Variants in PARP1 observed in about 807,000 individuals in gnomAD.
PARP1 encodes poly(ADP-ribose) polymerase 1.
A neutral mutation model predicts 118.7 loss-of-function variants in PARP1; 44 were observed. The observed-to-expected ratio is 0.37, with a 90% CI of 0.29 to 0.48. PARP1 has a LOEUF of 0.48. Ranked by LOEUF, PARP1 falls within the 20% of genes least tolerant of loss-of-function variation. The pLI, the probability that PARP1 is intolerant of heterozygous loss-of-function variation, is 0.99. For missense variants in PARP1, 1,100 were observed against 1,272.4 expected, an observed-to-expected ratio of 0.86 and a Z score of 2.06; for synonymous variants, 492 against 483.2, an observed-to-expected ratio of 1.02 and a Z score of -0.24.
chr1:226,371,984 A>C (rs568737941), intron 14 of PARP1, among the ~76,000 whole-genome samples: 63 of 152,306 alleles, frequency 4.1e-4, no homozygotes, highest in Non-Finnish European at 6.9e-4. Context: ...TGCCCAGTTG[A>C]GAGAGAAACA....
chr1:226,364,394 G>A (rs192374546), intron 19 of PARP1: 13 of 360,048 alleles, frequency 3.6e-5, no homozygotes, highest in East Asian at 2.0e-4. Context: ...TTAAACTAGC[G>A]CCTGTCAACA....
At chr1:226,394,426 G>T (rs1410417954) in intron 2 of PARP1, among the ~76,000 whole-genome samples, 3 of 152,226 alleles carry the variant, frequency 2.0e-5, no homozygotes, top group African/African-American at 7.2e-5. Flanking sequence ...TGCTGGTATA[G>T]TATGTGCAAT....
intron 14 of PARP1, 43 bp downstream of exon 14, chr1:226,374,183 T>A (rs760173006): frequency 4.3e-6 from 7 of 1,610,430 alleles, no homozygotes; most frequent in Non-Finnish European, 5.9e-6. Flanking sequence ...CAAATAATCA[T>A]CCACAGCAAA....
chr1:226,398,949 T>C (rs926030077), intron 2 of PARP1, among the ~76,000 whole-genome samples: 1 of 152,118 alleles, frequency 6.6e-6, no homozygotes, highest in Non-Finnish European at 1.5e-5. Flanking sequence ...TCACCAAAAC[T>C]TGGAAGCAAT....
chr1:226,387,523 G>A (rs988793920), intron 5 of PARP1, among the ~76,000 whole-genome samples: 1 of 152,104 alleles, frequency 6.6e-6, no homozygotes, highest in Non-Finnish European at 1.5e-5. Context: ...AGGCACACAC[G>A]TCTGCACCTG....
At chr1:226,368,458 GAAACGACC>G in intron 15 of PARP1, 137 bp from the exon 16 acceptor site, 1 of 1,049,520 alleles carries the variant, frequency 9.5e-7, no homozygotes, top group Non-Finnish European at 1.4e-6. Flanking sequence ...GGACACATGG[GAAACGACC>G]AGAAGACCAT....
rs199840266 is a variant in PARP1 at position 226,370,565 on chromosome 1, T to A, written c.2071-48A>T. 2.1e-5 allele frequency: 31 copies of A among 1,470,900 alleles called. No homozygotes were observed. The African/African-American group carries it at 4.3e-4, about 20-fold the overall frequency. The allele number at this position is 1,470,900 out of a possible 1,614,324, so 91.1% of individuals were successfully genotyped here. ...TCTGAAAGCTGGGCACTGTGCAGTG[T>A]GATCGCAGGAGAGCTGGACCGGGCA... is the stretch of plus-strand genomic sequence containing the variant. On this transcript the variant is annotated intron_variant, in intron 14 of 22. Transcript: ENST00000366794.
At position 226,381,174 on chromosome 1, in the gene PARP1, G is replaced by A. The variant is rs373462891; in HGVS notation, c.1194C>T (p.Leu398=). Residue 398 remains leucine, a synonymous_variant, in exon 9 of 23, where the codon CTC becomes CTT. Coordinates refer to ENST00000366794, the MANE Select transcript of PARP1 (RefSeq NM_001618.4). ...KPLSNMKILT[L]GKLSRNKDEV... is the part of the protein sequence containing the mutation. ...CATCCTTGTTCCGGGACAGCTTCCC[G>A]AGAGTCAGGATCTTCATGTTGGATA... 3.2e-4 allele frequency: 509 copies of A among 1,613,986 alleles called. 1 individual carries two copies. Among genetic ancestry groups the A allele is most frequent in the Non-Finnish European group, 4.1e-4 (486 of 1,179,996 alleles).
chr1:226,363,020 T>G, intron 21 of PARP1, 79 bp downstream of exon 21: 1 of 967,264 alleles, frequency 1.0e-6, no homozygotes, highest in African/African-American at 1.6e-5. Context: ...CAAGGCAGCC[T>G]TCTCAGGACA....
At chr1:226,399,331 A>G (rs1664983606) in intron 2 of PARP1, among the ~76,000 whole-genome samples, 2 of 152,022 alleles carry the variant, frequency 1.3e-5, no homozygotes, top group Admixed American at 6.6e-5. Context: ...CGGCCTCCCA[A>G]AGTGCTGGGA....
chr1:226,401,752 G>A (rs1665041999), intron 2 of PARP1, among the ~76,000 whole-genome samples: 1 of 152,160 alleles, frequency 6.6e-6, no homozygotes, highest in African/African-American at 2.4e-5. Context: ...GCAGATGCAT[G>A]TCATCATACA....
At chr1:226,388,535 T>C in intron 5 of PARP1, 121 bp downstream of exon 5, 2 of 740,838 alleles carry the variant, frequency 2.7e-6, no homozygotes, top group African/African-American at 1.7e-5. Context: ...ATTTAATAAC[T>C]GCCATCAATT....
intron 17 of PARP1, chr1:226,366,782 G>A (rs539874608): frequency 1.9e-5 from 3 of 159,588 alleles, no homozygotes; most frequent in African/African-American, 2.4e-5. Flanking sequence ...TTTGTCCTAG[G>A]AAAGAAGCCA....
intron 7 of PARP1, among the ~76,000 whole-genome samples, chr1:226,385,024 G>T (rs1237327821): frequency 6.6e-6 from 1 of 152,206 alleles, no homozygotes; most frequent in African/African-American, 2.4e-5. Context: ...CCCCATGGAG[G>T]TATTTTGCGT....
chr1:226,408,021 C>G lies in PARP1; in HGVS notation c.-92G>C. 3.2e-6 allele frequency: 5 copies of G among 1,580,750 alleles called. 1 individual carries two copies. In the South Asian group the frequency reaches 5.6e-5, roughly 18 times the overall value. On this transcript the variant is annotated 5_prime_UTR_variant, in exon 1 of 23. Coordinates refer to ENST00000366794, the MANE Select transcript of PARP1 (RefSeq NM_001618.4). Reference sequence around the variant, plus strand: ...GCCGCCTCGCGTGCGCTCACCCAGCCGCAGGCGCCTGAGCGGCCAGAGCCG... The same window carrying G: ...GCCGCCTCGCGTGCGCTCACCCAGCGGCAGGCGCCTGAGCGGCCAGAGCCG...
intron 8 of PARP1, among the ~76,000 whole-genome samples, chr1:226,381,451 G>A (rs1004688839): frequency 2.0e-5 from 3 of 152,226 alleles, no homozygotes; most frequent in African/African-American, 4.8e-5. Flanking sequence ...GGCCAGCCTC[G>A]CGGCGTGAGC....
chr1:226,391,207 T>G (rs1046564764), intron 3 of PARP1, among the ~76,000 whole-genome samples: 1 of 151,970 alleles, frequency 6.6e-6, no homozygotes, highest in African/African-American at 2.4e-5. Flanking sequence ...GCAATACTCC[T>G]GCCTCAGCCT....
chr1:226,400,089 A>T lies in PARP1; in HGVS notation c.286+2125T>A, dbSNP rs1233986615. 2.0e-5 allele frequency among the ~76,000 whole-genome samples: 3 copies of T among 152,340 alleles called. 1 individual carries two copies. Among genetic ancestry groups the T allele is most frequent in the African/African-American group, 2.4e-5 (1 of 41,582 alleles). On this transcript the variant is annotated intron_variant, in intron 2 of 22. Coordinates refer to ENST00000366794, the MANE Select transcript of PARP1 (RefSeq NM_001618.4). ...TTTAAAAGGACCCCAAAATACAGAG[A>T]TTTTGTGCATGATACAAGACACCTC...
chr1:226,383,198 G>A lies in PARP1; in HGVS notation c.1012-15C>T. 2 of 1,610,894 alleles carry A rather than the reference G, an allele frequency of 1.2e-6. No individual in the cohort carries two copies. The highest frequency in any genetic ancestry group is 1.7e-6 in the Non-Finnish European group (2 of 1,177,862). On this transcript the variant is annotated splice_polypyrimidine_tract_variant and intron_variant, in intron 7 of 22. Coordinates refer to ENST00000366794, the MANE Select transcript of PARP1 (RefSeq NM_001618.4). The stretch of plus-strand genomic sequence containing the variant: ...TCTCGGAATTCCTAAAAAATATTAA[G>A]TTTTAGTTAAGAAGCCAGCTCTCCC...
Sources: allele counts gnomAD v4.1 joint callset (sites outside exome capture counted in the v4.1 genomes callset), GRCh38; gene constraint gnomAD v4.1.1; transcripts MANE v1.5; gene names NCBI Gene and HGNC (gene_info 2026-07-23, HGNC 2026-07-21).